NFKB1: variants seen among roughly 807,000 people sequenced by gnomAD.
NFKB1 encodes the protein nuclear factor kappa B subunit 1, also known as nuclear factor NF-kappa-B p105 subunit.
Under a neutral mutation model 105.1 loss-of-function variants are expected in NFKB1, and 9 were observed. The ratio of observed to expected loss-of-function variants is 0.09; its 90% CI spans 0.05 to 0.15. NFKB1 has a LOEUF of 0.15. Ranked by LOEUF, NFKB1 falls within the 10% of genes least tolerant of loss-of-function variation. The pLI, the probability that NFKB1 is intolerant of heterozygous loss-of-function variation, is 1.00. For missense variants in NFKB1, 830 were observed against 1,203.7 expected, an observed-to-expected ratio of 0.69 and a Z score of 4.59; for synonymous variants, 440 against 442.2, an observed-to-expected ratio of 1.00 and a Z score of 0.06.
At chr4:102,610,549 T>C (rs772776669) in intron 19 of NFKB1, 26 bp from the exon 20 acceptor site, 2 of 1,612,618 alleles carry the variant, frequency 1.2e-6, no homozygotes, top group African/African-American at 2.7e-5. Flanking sequence ...TGGGTTTACC[T>C]AATGCTGTGT....
At chr4:102,606,219 A>T (rs1727708639) in intron 16 of NFKB1, among the ~76,000 whole-genome samples, 1 of 152,256 alleles carries the variant, frequency 6.6e-6, no homozygotes, top group Admixed American at 6.5e-5. Flanking sequence ...ATTGTACCTC[A>T]TAAATATATA....
At chr4:102,569,468 G>A (rs1023403800) in intron 6 of NFKB1, among the ~76,000 whole-genome samples, 2 of 152,092 alleles carry the variant, frequency 1.3e-5, no homozygotes, top group African/African-American at 4.8e-5. Context: ...TTAGTATTTA[G>A]TTCTGACTTG....
At chr4:102,553,202 C>T (rs1722748560) in intron 5 of NFKB1, among the ~76,000 whole-genome samples, 1 of 152,152 alleles carries the variant, frequency 6.6e-6, no homozygotes, top group Admixed American at 6.6e-5. Flanking sequence ...GGAGATTCTA[C>T]ACCGAATGAT....
chr4:102,547,629 A>G (rs541036647), intron 5 of NFKB1, among the ~76,000 whole-genome samples: 1 of 152,320 alleles, frequency 6.6e-6, no homozygotes, highest in African/African-American at 2.4e-5. Flanking sequence ...TACATGCCAC[A>G]CAGTAAGCAC....
At chr4:102,614,027 C>G (rs540074450) in intron 23 of NFKB1, among the ~76,000 whole-genome samples, 2 of 152,300 alleles carry the variant, frequency 1.3e-5, no homozygotes, top group East Asian at 3.9e-4. Flanking sequence ...CTCAACCCAG[C>G]CCAGTAATCC....
intron 1 of NFKB1, among the ~76,000 whole-genome samples, chr4:102,518,060 G>T (rs1484000544): frequency 1.3e-5 from 2 of 152,144 alleles, no homozygotes; most frequent in East Asian, 3.8e-4. Flanking sequence ...TCTCTCCTAG[G>T]ATGTTGGAAA....
At chr4:102,540,142 G>GT (rs1741906473) in intron 5 of NFKB1, among the ~76,000 whole-genome samples, 2 of 152,114 alleles carry the variant, frequency 1.3e-5, no homozygotes, top group Admixed American at 1.3e-4. Flanking sequence ...AAAACTGGGA[G>GT]TTTTTTCTGA....
intron 22 of NFKB1, among the ~76,000 whole-genome samples, chr4:102,612,911 G>A (rs946728649): frequency 3.9e-5 from 6 of 152,106 alleles, no homozygotes; most frequent in African/African-American, 1.4e-4. Flanking sequence ...TGTAATCAAC[G>A]TGTAGCTTCC....
intron 3 of NFKB1, among the ~76,000 whole-genome samples, chr4:102,531,301 T>C (rs1478523874): frequency 6.6e-6 from 1 of 152,196 alleles, no homozygotes; most frequent in Non-Finnish European, 1.5e-5. Context: ...TTAGAAAAAC[T>C]ATTCAAATTA....
intron 3 of NFKB1, among the ~76,000 whole-genome samples, chr4:102,532,627 C>CA (rs922419053): frequency 1.2e-3 from 172 of 147,236 alleles, no homozygotes; most frequent in African/African-American, 3.9e-3. Flanking sequence ...GACTCTGTCT[C>CA]AAAAAAAAAT....
chr4:102,514,379 A>G (rs1739988215), intron 1 of NFKB1, among the ~76,000 whole-genome samples: 1 of 152,104 alleles, frequency 6.6e-6, no homozygotes, highest in South Asian at 2.1e-4. Context: ...TAGAGCCTGT[A>G]AGAAGTGATG....
At chr4:102,607,579 C>G in intron 18 of NFKB1, 70 bp from the exon 19 acceptor site, 4 of 1,483,272 alleles carry the variant, frequency 2.7e-6, no homozygotes, top group Non-Finnish European at 3.8e-6. Context: ...GAGCCATGCA[C>G]ACTGGGAGGT....
chr4:102,517,050 A>G (rs988880981), intron 1 of NFKB1, among the ~76,000 whole-genome samples: 5 of 152,142 alleles, frequency 3.3e-5, no homozygotes, highest in Admixed American at 2.0e-4. Context: ...ACTGTTTTCT[A>G]TTAGGTTTTG....
At chr4:102,607,526 G>A in intron 18 of NFKB1, 123 bp from the exon 19 acceptor site, 3 of 1,195,498 alleles carry the variant, frequency 2.5e-6, no homozygotes, top group Non-Finnish European at 3.7e-6. Context: ...TTCAATGACA[G>A]AGCCAGCCCA....
At chr4:102,605,926 T>G (rs777775618) in intron 16 of NFKB1, among the ~76,000 whole-genome samples, 1 of 152,244 alleles carries the variant, frequency 6.6e-6, no homozygotes, top group Non-Finnish European at 1.5e-5. Flanking sequence ...TATTGAGTAC[T>G]TTATTTAAAT....
chr4:102,592,476 C>T (rs1726255184), intron 11 of NFKB1, among the ~76,000 whole-genome samples: 1 of 152,172 alleles, frequency 6.6e-6, no homozygotes, highest in Admixed American at 6.5e-5. Flanking sequence ...TGAGGCAAGA[C>T]CTTCCACCAG....
chr4:102,556,186 G>A (rs1560669403), intron 5 of NFKB1, among the ~76,000 whole-genome samples: 1 of 152,162 alleles, frequency 6.6e-6, no homozygotes, highest in Non-Finnish European at 1.5e-5. Flanking sequence ...AGGAGGTGGA[G>A]TAGCTTTGAG....
intron 1 of NFKB1, among the ~76,000 whole-genome samples, chr4:102,507,014 T>C (rs1009793374): frequency 6.7e-6 from 1 of 148,826 alleles, no homozygotes; most frequent in Admixed American, 6.7e-5. Flanking sequence ...TATGTATAAA[T>C]ACATATTTGT....
intron 5 of NFKB1, among the ~76,000 whole-genome samples, chr4:102,559,563 T>G (rs1038002647): frequency 6.6e-6 from 1 of 152,052 alleles, no homozygotes; most frequent in African/African-American, 2.4e-5. Flanking sequence ...GAGGATATTT[T>G]TTTGAAGATT....
Sources: gnomAD v4.1 joint callset for allele counts (sites outside exome capture counted in the v4.1 genomes callset) on GRCh38, gnomAD v4.1.1 for gene constraint, MANE v1.5 for transcripts, NCBI Gene and HGNC (gene_info 2026-07-23, HGNC 2026-07-21) for gene names.